NEO1: variants seen among roughly 807,000 people sequenced by gnomAD.
NEO1 encodes the protein neogenin 1.
In NEO1, 63 loss-of-function variants were observed where a neutral mutation model predicts 159.7. That is an observed-to-expected ratio of 0.39 (90% confidence interval 0.32 to 0.49). The LOEUF (loss-of-function observed/expected upper bound fraction) is 0.49. NEO1 is among the 20% of genes least tolerant of loss of function. The pLI is 0.85. For synonymous variants in NEO1, 633 were observed against 662.0 expected, an observed-to-expected ratio of 0.96 and a Z score of 0.67; for missense variants, 1,615 against 1,831.0, an observed-to-expected ratio of 0.88 and a Z score of 2.15.
chr15:73,125,162 G>C (rs2030019281), intron 3 of NEO1, among the ~76,000 whole-genome samples: 1 of 152,204 alleles, frequency 6.6e-6, no homozygotes, highest in South Asian at 2.1e-4. Flanking sequence ...GCTTACTTAA[G>C]TAAGGGAGAG....
intron 9 of NEO1, among the ~76,000 whole-genome samples, chr15:73,248,465 A>G (rs958735015): frequency 6.6e-6 from 1 of 152,136 alleles, no homozygotes; most frequent in Non-Finnish European, 1.5e-5. Context: ...GTCTTTTTGT[A>G]TATTCTCCCT....
chr15:73,157,131 C>G (rs546743820), intron 5 of NEO1, among the ~76,000 whole-genome samples: 2 of 152,206 alleles, frequency 1.3e-5, no homozygotes, highest in Non-Finnish European at 2.9e-5. Context: ...TTAGGAGATA[C>G]AACCCAGCTT....
chr15:73,213,337 A>T (rs1272724784), intron 7 of NEO1, among the ~76,000 whole-genome samples: 3 of 152,130 alleles, frequency 2.0e-5, no homozygotes, highest in Admixed American at 6.5e-5. Context: ...TAAGTTCTTT[A>T]GTGGTGATCT....
intron 26 of NEO1, among the ~76,000 whole-genome samples, chr15:73,294,396 G>A (rs1316976658): frequency 6.6e-6 from 1 of 152,142 alleles, no homozygotes; most frequent in Non-Finnish European, 1.5e-5. Flanking sequence ...TAGTTATTAT[G>A]TTACTGATAG....
At chr15:73,109,464 T>C (rs1160393122) in intron 1 of NEO1, among the ~76,000 whole-genome samples, 4 of 152,144 alleles carry the variant, frequency 2.6e-5, no homozygotes, top group Admixed American at 2.0e-4. Flanking sequence ...CTTTTTTTAG[T>C]GTCTTTTTGC....
rs566888067 is a variant in NEO1 at position 73,161,739 on chromosome 15, T to G, written c.1016-14664T>G. Reference sequence around the variant, plus strand: ...CAAATGTTACATAAGTGAAATAAGATGGAAACATTTTTAAAACTGCTTAAA... The same window carrying G: ...CAAATGTTACATAAGTGAAATAAGAGGGAAACATTTTTAAAACTGCTTAAA... On this transcript the variant is annotated intron_variant, in intron 5 of 28. Transcript: ENST00000261908. 3.1e-5 allele frequency: 7 copies of G among 227,176 alleles called. No individual in the cohort carries two copies. In the South Asian group the frequency reaches 5.2e-4, roughly 17 times the overall value. 14.1% of individuals were successfully genotyped at this position (227,176 alleles called of 1,614,324 possible). A position where few individuals can be genotyped will look rare whatever the true frequency, so the allele number is the denominator to read the frequency against.
At chr15:73,261,679 A>G (rs2040625889) in intron 15 of NEO1, among the ~76,000 whole-genome samples, 2 of 152,186 alleles carry the variant, frequency 1.3e-5, no homozygotes, top group South Asian at 4.1e-4. Context: ...AAGAATACTT[A>G]AGATACCATG....
rs1242086084 is a variant in NEO1 at position 73,270,041 on chromosome 15, T to C, written c.2526T>C (p.Asn842=). The change falls in exon 17 of 29, where the codon AAT becomes AAC. Residue 842 remains asparagine (N), a synonymous_variant. Coordinates refer to ENST00000261908, the MANE Select transcript of NEO1 (RefSeq NM_002499.4). ...CTGAAGTTGATTTATTTGTTATTAA[T>C]GCTCCATACACTCCAGTGCCAGATC... ...DTSEVDLFVI[N]APYTPVPDPT... 1 of 1,614,180 alleles carries C rather than the reference T, an allele frequency of 6.2e-7. No individual in the cohort carries two copies. The highest frequency in any genetic ancestry group is 8.5e-7 in the Non-Finnish European group (1 of 1,180,012).
intron 25 of NEO1, 52 bp from the exon 26 acceptor site, chr15:73,293,338 G>A: frequency 6.2e-7 from 1 of 1,603,244 alleles, no homozygotes; most frequent in Non-Finnish European, 8.5e-7. Flanking sequence ...TGTGATTTGT[G>A]TGTGTTTGTG....
chr15:73,290,328 C>T (rs1297343671), intron 25 of NEO1, among the ~76,000 whole-genome samples: 4 of 148,476 alleles, frequency 2.7e-5, no homozygotes, highest in African/African-American at 9.9e-5. Context: ...GCAGCCTCCA[C>T]CTCCCGGGTT....
chr15:73,225,469 C>T (rs916039864), intron 7 of NEO1, among the ~76,000 whole-genome samples: 2 of 152,026 alleles, frequency 1.3e-5, no homozygotes, highest in African/African-American at 2.4e-5. Flanking sequence ...TCCTTGGGCG[C>T]GTCTCCCTGC....
At chr15:73,217,870 A>G (rs139045253) in intron 7 of NEO1, among the ~76,000 whole-genome samples, 3,283 of 152,284 alleles carry the variant, frequency 0.022, 165 homozygotes, top group East Asian at 0.2. Context: ...TGTCATCTGC[A>G]AACAGGGACA....
rs189010134 is a variant in NEO1 at position 73,223,163 on chromosome 15, A to G, written c.1292-13184A>G. ...CCACTGTGGTCTGAGAGAGTGCTTGATATAATTTCAGTTTTCTTAGATTTA... is the reference window on the plus strand; with the variant it reads ...CCACTGTGGTCTGAGAGAGTGCTTGGTATAATTTCAGTTTTCTTAGATTTA... On this transcript the variant is annotated intron_variant, in intron 7 of 28. Coordinates refer to ENST00000261908, the MANE Select transcript of NEO1 (RefSeq NM_002499.4). Among the ~76,000 whole-genome samples the G allele has an allele frequency of 2.0e-5, 3 of 152,246 alleles. No individual in the cohort carries two copies. The East Asian group carries it at 5.8e-4, about 29-fold the overall frequency.
chr15:73,275,810 T>C (rs1269013746), intron 21 of NEO1, among the ~76,000 whole-genome samples: 1 of 152,226 alleles, frequency 6.6e-6, no homozygotes. Flanking sequence ...GATTTTTATC[T>C]CTAGGAAGTC....
In NEO1 at chr15:73,304,169, TG is replaced by T. The variant is rs1332231471; in HGVS notation, c.*1474del. On this transcript the variant is annotated 3_prime_UTR_variant, in exon 29 of 29. Coordinates refer to ENST00000261908, the MANE Select transcript of NEO1 (RefSeq NM_002499.4). ...CTGATGAGAATGAAGCCACAGGAGT[TG>T]TCTGAGGTGAACCCAGCCGCTCAGC... 1 of 152,256 alleles carries T rather than the reference TG, an allele frequency of 6.6e-6. No homozygotes were observed. Among genetic ancestry groups the T allele is most frequent in the African/African-American group, 2.4e-5 (1 of 41,452 alleles). 9.4% of individuals were successfully genotyped at this position (152,256 alleles called of 1,614,324 possible).
At chr15:73,089,976 A>G (rs1480837720) in intron 1 of NEO1, among the ~76,000 whole-genome samples, 2 of 152,198 alleles carry the variant, frequency 1.3e-5, no homozygotes, top group South Asian at 2.1e-4. Context: ...TTACACCAGC[A>G]TAATTATTTA....
In NEO1 at chr15:73,288,413, G is replaced by A; in HGVS notation, c.3511G>A (p.Glu1171Lys). ...TCTCTGGATCCATCATGAGAGACTG[G>A]AGCTGAAACCCATTGATAAGTCTCC... The part of the protein sequence containing the change: ...PDLWIHHERL[E>K]LKPIDKSPDP... The change falls in exon 24 of 29, where the codon GAG becomes AAG. Residue 1171 changes from glutamate to lysine, a missense_variant. This residue lies in a region of NEO1 where 471 missense variants were observed against 498.9 expected (regional missense o/e 0.94). Transcript: ENST00000261908. 2 of 1,614,078 alleles carry A rather than the reference G, an allele frequency of 1.2e-6. No homozygotes were observed. Among genetic ancestry groups the A allele is most frequent in the Non-Finnish European group, 1.7e-6 (2 of 1,180,012 alleles).
intron 22 of NEO1, among the ~76,000 whole-genome samples, chr15:73,281,366 T>C (rs1481031460): frequency 2.0e-5 from 3 of 151,440 alleles, no homozygotes; most frequent in African/African-American, 4.8e-5. Flanking sequence ...GCCATTCTGC[T>C]GCCTCAGCCT....
chr15:73,191,240 A>G (rs1347095551), intron 7 of NEO1, among the ~76,000 whole-genome samples: 1 of 152,136 alleles, frequency 6.6e-6, no homozygotes, highest in Non-Finnish European at 1.5e-5. Context: ...AACTCTAAAC[A>G]GTCATCTCTG....
Sources: allele counts gnomAD v4.1 joint callset (sites outside exome capture counted in the v4.1 genomes callset), GRCh38; gene constraint gnomAD v4.1.1; regional missense constraint gnomAD v4.1.1; transcripts MANE v1.5; gene names NCBI Gene and HGNC (gene_info 2026-07-23, HGNC 2026-07-21).